Variants in WFDC8 observed in about 807,000 individuals in gnomAD.
WFDC8 encodes WAP four-disulfide core domain 8, also known as WAP four-disulfide core domain protein 8.
In WFDC8, 24 loss-of-function variants were observed where a neutral mutation model predicts 27.0. That is an observed-to-expected ratio of 0.89 (90% CI 0.64 to 1.25). WFDC8 has a LOEUF of 1.25. WFDC8 is among the 50% of genes most tolerant of loss of function. The pLI is 0.00. For missense variants in WFDC8, 287 were observed against 295.9 expected (o/e 0.97, Z 0.22); for synonymous variants, 106 against 99.7 (o/e 1.06, Z -0.38).
intron 1 of WFDC8, chr20:45,568,132 C>G: frequency 2.8e-6 from 1 of 361,106 alleles, no homozygotes; most frequent in Non-Finnish European, 5.6e-6. Flanking sequence ...CTGAAAATCT[C>G]CATTTCCACT....
rs147155016 is a variant in WFDC8, at chr20:45,575,883, T to A, written c.26+3339A>T. ...CCCTCCTCATCCCCATAGCATAGCA[T>A]GTTCTGTTGCAAGGCTACTCAACCA... On this transcript the variant is annotated intron_variant, in intron 1 of 5. Coordinates refer to ENST00000289953, the MANE Select transcript of WFDC8 (RefSeq NM_130896.3). 7.4e-4 allele frequency among the ~76,000 whole-genome samples: 112 copies of A among 151,428 alleles called. 3 individuals are homozygous for A. In the East Asian group the frequency reaches 9.3e-3, roughly 13 times the overall value.
At position 45,553,144 on chromosome 20, in the gene WFDC8, G is replaced by A. The variant is rs1237088744; in HGVS notation, c.578C>T (p.Ala193Val). ...ATATCCCCAATCCTTACCTGTCCAG[G>A]CCCTGGCACAAACAAAGCCACACCT... Reference protein sequence around the residue: ...ESRCGFVCARAWTVKKGFCPR... With the variant: ...ESRCGFVCARVWTVKKGFCPR... The change falls in exon 5 of 6, where the codon GCC (alanine) becomes GTC (valine). Residue 193 changes from alanine (A) to valine (V), a missense_variant. Ala to Val is a moderately conservative substitution (Grantham distance 64). Transcript: ENST00000289953. 6.2e-7 allele frequency: 1 copy of A among 1,612,564 alleles called. No homozygotes were observed. Among genetic ancestry groups the A allele is most frequent in the Admixed American group, 1.7e-5 (1 of 59,970 alleles).
At chr20:45,565,832 G>A (rs1032321583) in intron 1 of WFDC8, among the ~76,000 whole-genome samples, 6 of 152,148 alleles carry the variant, frequency 3.9e-5, no homozygotes, top group African/African-American at 1.4e-4. Flanking sequence ...TCTTTTGTGG[G>A]AGAAATGAGT....
chr20:45,553,112 G>A lies in WFDC8; in HGVS notation c.586+24C>T, dbSNP rs759183921. 1.4e-5 allele frequency: 22 copies of A among 1,601,026 alleles called. No homozygotes were observed. The Admixed American group carries it at 3.4e-4, about 25-fold the overall frequency. The stretch of plus-strand genomic sequence containing the variant: ...TCCTTGGCACATGCCCAATAGATTT[G>A]GGAGGTATATCCCCAATCCTTACCT... On this transcript the variant is annotated intron_variant, in intron 5 of 5. Coordinates refer to ENST00000289953, the MANE Select transcript of WFDC8 (RefSeq NM_130896.3).
intron 1 of WFDC8, among the ~76,000 whole-genome samples, chr20:45,563,356 T>C (rs1005353342): frequency 7.2e-5 from 11 of 152,212 alleles, no homozygotes; most frequent in African/African-American, 2.7e-4. Context: ...TAAGATGAGA[T>C]AGCATGAAGA....
At chr20:45,574,585 A>G (rs1404323459) in intron 1 of WFDC8, among the ~76,000 whole-genome samples, 1 of 152,206 alleles carries the variant, frequency 6.6e-6, no homozygotes, top group Admixed American at 6.5e-5. Context: ...ACTTAAGGCT[A>G]GGCGTTCGAG....
At chr20:45,576,255 T>C (rs1409597319) in intron 1 of WFDC8, among the ~76,000 whole-genome samples, 1 of 151,510 alleles carries the variant, frequency 6.6e-6, no homozygotes, top group Non-Finnish European at 1.5e-5. Flanking sequence ...TCTCAATTTA[T>C]GCCTATAATG....
chr20:45,561,650 C>T (rs1174703102), intron 2 of WFDC8, among the ~76,000 whole-genome samples: 1 of 152,100 alleles, frequency 6.6e-6, no homozygotes, highest in Non-Finnish European at 1.5e-5. Flanking sequence ...CCCCTTGTCT[C>T]TTCTCAACTA....
intron 1 of WFDC8, among the ~76,000 whole-genome samples, chr20:45,569,461 T>A (rs954866298): frequency 1.3e-5 from 2 of 152,214 alleles, no homozygotes; most frequent in African/African-American, 4.8e-5. Flanking sequence ...AAATGGATTT[T>A]AAAAATTAAT....
intron 3 of WFDC8, among the ~76,000 whole-genome samples, chr20:45,558,067 T>C (rs1980333753): frequency 6.6e-6 from 1 of 152,226 alleles, no homozygotes; most frequent in Non-Finnish European, 1.5e-5. Context: ...TGACTTATGC[T>C]TCTCTACCAA....
At chr20:45,568,271 A>G in intron 1 of WFDC8, 1 of 234,638 alleles carries the variant, frequency 4.3e-6, no homozygotes, top group Non-Finnish European at 8.8e-6. Context: ...GTGATGTTTC[A>G]TAGCCTAAGC....
chr20:45,553,394 C>A, intron 4 of WFDC8, 118 bp from the exon 5 acceptor site: 1 of 1,254,444 alleles, frequency 8.0e-7, no homozygotes, highest in Non-Finnish European at 1.1e-6. Context: ...TCACCCTACC[C>A]TATCCATCTC....
At position 45,553,268 on chromosome 20, in the gene WFDC8, C is replaced by A; in HGVS notation, c.454G>T (p.Gly152Ter). The change falls in exon 5 of 6, where the codon GGA becomes TGA. Residue 152 changes from glycine to a stop codon, truncating the protein, a stop_gained. Coordinates refer to ENST00000289953, the MANE Select transcript of WFDC8 (RefSeq NM_130896.3). LOFTEE classifies it high-confidence loss of function. ...GTGAAAGGGAAGAGTGGGCATTGTC[C>A]ATCCTTAACTAAAATAAGAGCAGAT... ...RTACMLIVKD[G>*]QCPLFPFTER... The A allele has an allele frequency of 6.2e-7, 1 of 1,613,004 alleles. No homozygotes were observed. The highest frequency in any genetic ancestry group is 8.5e-7 in the Non-Finnish European group (1 of 1,179,368).
intron 1 of WFDC8, chr20:45,568,397 C>G (rs920881037): frequency 1.2e-5 from 3 of 257,280 alleles, no homozygotes; most frequent in African/African-American, 6.6e-5. Context: ...TGGAGGTTAT[C>G]TCCCTTTTCA....
chr20:45,559,334 TAAAAG>T lies in WFDC8; in HGVS notation c.137-347_137-343del, dbSNP rs528373181. On this transcript the variant is annotated intron_variant, in intron 2 of 5. Coordinates refer to ENST00000289953, the MANE Select transcript of WFDC8 (RefSeq NM_130896.3). ...GCTTAATTCCTTTGTCTCCAGTTGA[TAAAAG>T]AAATTAGTAAAGACTGGTGGGAACA... is the stretch of plus-strand genomic sequence containing the variant. Among the ~76,000 whole-genome samples, 334 of 152,310 alleles carry T rather than the reference TAAAAG, an allele frequency of 2.2e-3. 1 individual carries two copies. The highest frequency in any genetic ancestry group is 7.9e-3 in the African/African-American group (330 of 41,570).
At chr20:45,566,505 A>T (rs1980682382) in intron 1 of WFDC8, among the ~76,000 whole-genome samples, 1 of 152,044 alleles carries the variant, frequency 6.6e-6, no homozygotes, top group African/African-American at 2.4e-5. Flanking sequence ...CTACTAAAAA[A>T]TACAAAAATT....
chr20:45,554,825 G>C (rs987718720), intron 4 of WFDC8, among the ~76,000 whole-genome samples: 2 of 152,170 alleles, frequency 1.3e-5, no homozygotes, highest in Non-Finnish European at 2.9e-5. Context: ...ACCAACTGTG[G>C]GTCCTCAGGC....
chr20:45,558,996 CAAGA>C lies in WFDC8; in HGVS notation c.137-8_137-5del. The stretch of plus-strand genomic sequence containing the variant: ...TTGGGACATAACCCTGGTTTGTCTG[CAAGA>C]AAGAAATGTCCAAACTCACATTCTT... On this transcript the variant is annotated splice_region_variant and splice_polypyrimidine_tract_variant and intron_variant, in intron 2 of 5. Transcript: ENST00000289953. 1 of 1,613,648 alleles carries C rather than the reference CAAGA, an allele frequency of 6.2e-7. No individual in the cohort carries two copies. The highest frequency in any genetic ancestry group is 1.7e-4 in the Middle Eastern group (1 of 6,052).
intron 3 of WFDC8, among the ~76,000 whole-genome samples, 185 bp from the exon 4 acceptor site, chr20:45,556,053 A>C (rs1286631130): frequency 6.6e-6 from 1 of 152,110 alleles, no homozygotes; most frequent in Non-Finnish European, 1.5e-5. Flanking sequence ...GTTGTATGGC[A>C]CCTCTGAGCA....
Sources: gnomAD v4.1 joint callset for allele counts (sites outside exome capture counted in the v4.1 genomes callset) on GRCh38, gnomAD v4.1.1 for gene constraint, MANE v1.5 for transcripts, NCBI Gene and HGNC (gene_info 2026-07-23, HGNC 2026-07-21) for gene names.